The following SCAPER variants were observed in gnomAD, a reference collection of about 807,000 sequenced individuals.
SCAPER encodes the protein S-phase cyclin A associated protein in the ER.
Under a neutral mutation model 182.2 loss-of-function variants are expected in SCAPER, and 98 were observed. The ratio of observed to expected loss-of-function variants is 0.54; its 90% CI spans 0.46 to 0.64. SCAPER has a LOEUF of 0.64. Among genes scored for constraint, SCAPER ranks in the 30% least tolerant of loss-of-function variants. The pLI, the probability that SCAPER is intolerant of heterozygous loss-of-function variation, is 0.00. For synonymous variants in SCAPER, 605 were observed against 564.6 expected (o/e 1.07, Z -1.01); for missense variants, 1,432 against 1,690.0 (o/e 0.85, Z 2.68).
chr15:76,565,006 T>C (rs925033774), intron 23 of SCAPER, among the ~76,000 whole-genome samples: 3 of 152,170 alleles, frequency 2.0e-5, no homozygotes, highest in African/African-American at 7.2e-5. Flanking sequence ...TTATACCATG[T>C]ACAAAAATTA....
At chr15:76,633,564 C>A (rs557594420) in intron 21 of SCAPER, among the ~76,000 whole-genome samples, 1 of 152,312 alleles carries the variant, frequency 6.6e-6, no homozygotes, top group South Asian at 2.1e-4. Context: ...GCAGGCACCC[C>A]TCCTCCTAGG....
intron 26 of SCAPER, among the ~76,000 whole-genome samples, chr15:76,430,227 A>G (rs552086465): frequency 6.6e-6 from 1 of 152,318 alleles, no homozygotes; most frequent in African/African-American, 2.4e-5. Context: ...TGTCATGCAG[A>G]ACCTCTGCTA....
intron 23 of SCAPER, among the ~76,000 whole-genome samples, chr15:76,527,652 T>C (rs2144464494): frequency 6.6e-6 from 1 of 152,320 alleles, no homozygotes; most frequent in Non-Finnish European, 1.5e-5. Flanking sequence ...GTATGGGGCA[T>C]TTAGCCCCCT....
chr15:76,491,155 T>C (rs557931231), intron 24 of SCAPER, among the ~76,000 whole-genome samples: 2 of 152,354 alleles, frequency 1.3e-5, no homozygotes, highest in East Asian at 3.9e-4. Context: ...GGACTCTCTG[T>C]TCTGCTCCAT....
At chr15:76,397,986 C>T (rs1006460065) in intron 27 of SCAPER, among the ~76,000 whole-genome samples, 5 of 152,206 alleles carry the variant, frequency 3.3e-5, no homozygotes, top group Admixed American at 6.5e-5. Context: ...TTTACGATCT[C>T]ATTTGAGCCT....
intron 23 of SCAPER, among the ~76,000 whole-genome samples, chr15:76,528,837 TCATTTAC>T (rs2043404278): frequency 6.6e-6 from 1 of 152,206 alleles, no homozygotes; most frequent in Non-Finnish European, 1.5e-5. Context: ...TCTAGTCTCA[TCATTTAC>T]CATTCCCAAC....
chr15:76,354,036 T>C lies in SCAPER; in HGVS notation c.3960A>G (p.Ser1320=). Residue 1320 remains serine (S), a synonymous_variant, in exon 30 of 32, where the codon TCA becomes TCG. Transcript: ENST00000563290. This position sits in a 1 kb window ranked among gnomAD's most constrained non-coding sequence, Gnocchi z 4.4. ...DPRLIKVLFP[S]LIAACYNNHQ... ...GGTTGTTGTAACAAGCAGCGATAAG[T>C]GAAGGGAACAGTACTTTGATCAGCC... 6.2e-7 allele frequency: 1 copy of C among 1,608,536 alleles called. No homozygotes were observed. The highest frequency in any genetic ancestry group is 1.1e-5 in the South Asian group (1 of 90,176).
At chr15:76,882,102 A>T (rs1407018691) in intron 2 of SCAPER, among the ~76,000 whole-genome samples, 1 of 152,200 alleles carries the variant, frequency 6.6e-6, no homozygotes, top group African/African-American at 2.4e-5. Context: ...TTTTGTCAAG[A>T]TACTAAGAAA....
chr15:76,626,682 A>C (rs1326605894), intron 21 of SCAPER, among the ~76,000 whole-genome samples: 1 of 152,210 alleles, frequency 6.6e-6, no homozygotes, highest in Non-Finnish European at 1.5e-5. Context: ...ACACCACTGC[A>C]CTCCAGCCTG....
At chr15:76,813,537 A>T (rs552948454) in intron 5 of SCAPER, among the ~76,000 whole-genome samples, 2 of 152,142 alleles carry the variant, frequency 1.3e-5, no homozygotes, top group Non-Finnish European at 2.9e-5. Flanking sequence ...TTGCATTTGA[A>T]TTGATTCTAT....
intron 21 of SCAPER, among the ~76,000 whole-genome samples, chr15:76,663,590 TAA>T (rs1020335941): frequency 7.0e-6 from 1 of 143,754 alleles, no homozygotes; most frequent in African/African-American, 2.6e-5. Context: ...TATAATCAGT[TAA>T]AAAAAAAAAG....
At chr15:76,753,193 G>A (rs2062200464) in intron 15 of SCAPER, among the ~76,000 whole-genome samples, 1 of 151,670 alleles carries the variant, frequency 6.6e-6, no homozygotes, top group Non-Finnish European at 1.5e-5. Context: ...ATTTGTAATA[G>A]AAAAAAACTG....
chr15:76,359,876 T>TGAC (rs1205187516), intron 29 of SCAPER, among the ~76,000 whole-genome samples: 3 of 152,168 alleles, frequency 2.0e-5, no homozygotes, highest in Non-Finnish European at 4.4e-5. Context: ...TGAAATAAAG[T>TGAC]GACAGGGGGC....
intron 21 of SCAPER, among the ~76,000 whole-genome samples, chr15:76,626,654 T>C (rs1281079023): frequency 6.6e-6 from 1 of 151,846 alleles, no homozygotes; most frequent in Admixed American, 6.6e-5. Flanking sequence ...GAGGCGGAGG[T>C]TGCAATAAGC....
At chr15:76,549,713 T>C (rs1024618584) in intron 23 of SCAPER, among the ~76,000 whole-genome samples, 9 of 149,476 alleles carry the variant, frequency 6.0e-5, no homozygotes, top group African/African-American at 2.0e-4. Flanking sequence ...AACCTGCACG[T>C]TGTGCACATG....
chr15:76,448,232 A>C (rs1253738880), intron 25 of SCAPER, among the ~76,000 whole-genome samples: 1 of 152,188 alleles, frequency 6.6e-6, no homozygotes, highest in Non-Finnish European at 1.5e-5. Context: ...GACTCATCAC[A>C]ATATGTAGGC....
In SCAPER at chr15:76,883,861, C is replaced by G; in HGVS notation, c.-44G>C. 2 of 1,437,952 alleles carry G rather than the reference C, an allele frequency of 1.4e-6. No individual in the cohort carries two copies. The highest frequency in any genetic ancestry group is 1.9e-6 in the Non-Finnish European group (2 of 1,056,326). 89.1% of individuals were successfully genotyped at this position (1,437,952 alleles called of 1,614,324 possible). A position where few individuals can be genotyped will look rare whatever the true frequency, so the allele number is the denominator to read the frequency against. ...TGCCAAGATCATTTATCACATAAAC[C>G]CATGGAGTATGACTCCTACAATAAA... On this transcript the variant is annotated 5_prime_UTR_variant, in exon 2 of 32. Transcript: ENST00000563290.
intron 29 of SCAPER, among the ~76,000 whole-genome samples, chr15:76,367,608 A>C (rs1489531734): frequency 1.3e-5 from 2 of 152,132 alleles, no homozygotes; most frequent in East Asian, 3.8e-4. Flanking sequence ...CTGGCAACAC[A>C]GCCACTCAGG....
At chr15:76,767,565 C>T (rs909947369) in intron 10 of SCAPER, among the ~76,000 whole-genome samples, 1 of 151,998 alleles carries the variant, frequency 6.6e-6, no homozygotes, top group Non-Finnish European at 1.5e-5. Flanking sequence ...TAAAAATATA[C>T]ATGAGATTCA....
Sources: allele counts gnomAD v4.1 joint callset (sites outside exome capture counted in the v4.1 genomes callset), GRCh38; gene constraint gnomAD v4.1.1; non-coding constraint Gnocchi (gnomAD v3.1); transcripts MANE v1.5; gene names NCBI Gene and HGNC (gene_info 2026-07-23, HGNC 2026-07-21).